PDZRN4: variants seen among roughly 807,000 people sequenced by gnomAD.
PDZRN4 encodes the protein PDZ domain-containing RING finger protein 4.
A neutral mutation model predicts 99.0 loss-of-function variants in PDZRN4; 70 were observed. That is an observed-to-expected ratio of 0.71 (90% confidence interval 0.58 to 0.86). PDZRN4 has a LOEUF of 0.86. Among genes scored for constraint, PDZRN4 ranks in the 40% least tolerant of loss-of-function variants. PDZRN4 has a pLI of 0.00. For missense variants in PDZRN4, 1,474 were observed against 1,331.2 expected, an observed-to-expected ratio of 1.11 and a Z score of -1.67; for synonymous variants, 551 against 501.6, an observed-to-expected ratio of 1.10 and a Z score of -1.32.
chr12:41,417,105 A>G (rs1476718158), intron 3 of PDZRN4, among the ~76,000 whole-genome samples: 1 of 152,216 alleles, frequency 6.6e-6, no homozygotes, highest in Non-Finnish European at 1.5e-5. Flanking sequence ...TAGCTTGGTC[A>G]GTTATGATTT....
At position 41,314,836 on chromosome 12, in the gene PDZRN4, T is replaced by C. The variant is rs1951628559; in HGVS notation, c.843+120648T>C. 5.9e-5 allele frequency among the ~76,000 whole-genome samples: 9 copies of C among 152,282 alleles called. No individual in the cohort carries two copies. The South Asian group carries it at 1.9e-3, about 32-fold the overall frequency. Reference sequence around the variant, plus strand: ...GATTTTTTTTCTTTTTCAAGTTTTTTTCAAGTTTCCCTATGGTACATGTCC... The same window carrying C: ...GATTTTTTTTCTTTTTCAAGTTTTTCTCAAGTTTCCCTATGGTACATGTCC... On this transcript the variant is annotated intron_variant, in intron 3 of 9. Transcript: ENST00000402685.
intron 3 of PDZRN4, among the ~76,000 whole-genome samples, chr12:41,285,043 A>G (rs1469610750): frequency 2.0e-5 from 3 of 152,216 alleles, no homozygotes; most frequent in Admixed American, 2.0e-4. Context: ...TGTACAGCAA[A>G]AGAAACTATC....
intron 3 of PDZRN4, among the ~76,000 whole-genome samples, chr12:41,480,444 T>G (rs1174089601): frequency 6.6e-6 from 1 of 152,210 alleles, no homozygotes; most frequent in Non-Finnish European, 1.5e-5. Flanking sequence ...TTTGATCTTT[T>G]AGAGACTGAT....
chr12:41,557,189 GAC>G (rs1189598222), intron 7 of PDZRN4, among the ~76,000 whole-genome samples: 2 of 149,032 alleles, frequency 1.3e-5, no homozygotes, highest in African/African-American at 4.9e-5. Flanking sequence ...GCTGCAGGGA[GAC>G]ACACAAACTC....
chr12:41,492,156 T>C (rs753325968), intron 3 of PDZRN4, among the ~76,000 whole-genome samples: 4 of 152,184 alleles, frequency 2.6e-5, no homozygotes, highest in Non-Finnish European at 5.9e-5. Flanking sequence ...GCAATGGCAA[T>C]ATGATAGTTA....
chr12:41,554,649 G>T (rs974827396), intron 6 of PDZRN4, among the ~76,000 whole-genome samples: 2 of 151,756 alleles, frequency 1.3e-5, no homozygotes, highest in Non-Finnish European at 2.9e-5. Context: ...GAAATTACCC[G>T]CAGTGAACTG....
Position 41,423,931 on chromosome 12 carries a change from T to A in PDZRN4, c.844-82525T>A, listed in dbSNP as rs538909753. ...CACAAATGGAGAAACAGACTCAGAG[T>A]TAAACATGGTCTTGTAGTTCACGTT... is the stretch of plus-strand genomic sequence containing the variant. On this transcript the variant is annotated intron_variant, in intron 3 of 9. Coordinates refer to ENST00000402685, the MANE Select transcript of PDZRN4 (RefSeq NM_001164595.2). Among the ~76,000 whole-genome samples, 3 of 152,214 alleles carry A rather than the reference T, an allele frequency of 2.0e-5. No homozygotes were observed. The East Asian group carries it at 5.8e-4, about 29-fold the overall frequency.
At chr12:41,563,704 T>A in intron 8 of PDZRN4, 55 bp downstream of exon 8, 1 of 1,114,954 alleles carries the variant, frequency 9.0e-7, no homozygotes, top group Non-Finnish European at 1.3e-6. Flanking sequence ...TTGAATTCAC[T>A]GAATGTAAAT....
At chr12:41,459,029 G>A (rs976228046) in intron 3 of PDZRN4, among the ~76,000 whole-genome samples, 22 of 35,796 alleles carry the variant, frequency 6.1e-4, no homozygotes, top group Admixed American at 3.6e-3. Flanking sequence ...TTCAAAGGAG[G>A]AATTAGGTTT....
intron 5 of PDZRN4, among the ~76,000 whole-genome samples, chr12:41,534,301 A>C (rs116983898): frequency 0.011 from 1,557 of 148,130 alleles, 17 homozygotes; most frequent in Non-Finnish European, 0.014. Flanking sequence ...TTTTTATTTT[A>C]AGTTCCGGGG....
At chr12:41,489,831 T>C (rs563117894) in intron 3 of PDZRN4, among the ~76,000 whole-genome samples, 54 of 152,316 alleles carry the variant, frequency 3.5e-4, no homozygotes, top group Non-Finnish European at 5.0e-4. Flanking sequence ...TTCTGGGCTC[T>C]GGTTTCTATT....
chr12:41,467,195 T>C (rs1379778), intron 3 of PDZRN4, among the ~76,000 whole-genome samples: 1,647 of 152,206 alleles, frequency 0.011, 77 homozygotes, highest in Admixed American at 0.091. Flanking sequence ...GTAGACACAG[T>C]GAGAGTTTGG....
At chr12:41,413,272 G>T (rs11180907) in intron 3 of PDZRN4, among the ~76,000 whole-genome samples, 5,774 of 152,152 alleles carry the variant, frequency 0.038, 172 homozygotes, top group African/African-American at 0.087. Context: ...GGAATAGAAA[G>T]TTAAAAATCA....
chr12:41,221,965 C>T (rs1355852590), intron 3 of PDZRN4, among the ~76,000 whole-genome samples: 2 of 152,094 alleles, frequency 1.3e-5, no homozygotes, highest in African/African-American at 2.4e-5. Flanking sequence ...GGAGCCAAGG[C>T]CATGGACAAC....
intron 3 of PDZRN4, among the ~76,000 whole-genome samples, chr12:41,443,581 G>GGCTTGGTTTGGGGCCAATTGC (rs1952699794): frequency 1.3e-5 from 2 of 151,982 alleles, no homozygotes; most frequent in Non-Finnish European, 1.5e-5. Flanking sequence ...GGGCCAATTG[G>GGCTTGGTTTGGGGCCAATTGC]GCTTGATTTG....
At chr12:41,525,079 A>G (rs770173769) in intron 5 of PDZRN4, among the ~76,000 whole-genome samples, 6 of 152,112 alleles carry the variant, frequency 3.9e-5, no homozygotes, top group Non-Finnish European at 8.8e-5. Flanking sequence ...GGGAATTAGG[A>G]GGCAAAAATC....
At chr12:41,443,803 G>T (rs2120476724) in intron 3 of PDZRN4, among the ~76,000 whole-genome samples, 2 of 152,254 alleles carry the variant, frequency 1.3e-5, no homozygotes. Context: ...TTCTGAAAAG[G>T]AAGAGGAGAT....
intron 3 of PDZRN4, among the ~76,000 whole-genome samples, chr12:41,456,151 C>A (rs1338148267): frequency 1.3e-5 from 2 of 152,182 alleles, no homozygotes; most frequent in Non-Finnish European, 2.9e-5. Context: ...GTACATTGTT[C>A]TTCTAGCTTC....
chr12:41,249,169 T>C (rs1591984519), intron 3 of PDZRN4, among the ~76,000 whole-genome samples: 1 of 152,126 alleles, frequency 6.6e-6, no homozygotes, highest in East Asian at 1.9e-4. Flanking sequence ...AAAAAGATAA[T>C]TATAAGACTC....
Sources: allele counts gnomAD v4.1 joint callset (sites outside exome capture counted in the v4.1 genomes callset), GRCh38; gene constraint gnomAD v4.1.1; transcripts MANE v1.5; gene names NCBI Gene and HGNC (gene_info 2026-07-23, HGNC 2026-07-21).